CRB1: variants seen among roughly 807,000 people sequenced by gnomAD.
The protein encoded by CRB1 is protein crumbs homolog 1.
A neutral mutation model predicts 120.0 loss-of-function variants in CRB1; 83 were observed. That is an observed-to-expected ratio of 0.69 (90% CI 0.58 to 0.83). CRB1 has a LOEUF of 0.83. CRB1 is among the 40% of genes least tolerant of loss of function. The pLI is 0.00. For synonymous variants in CRB1, 625 were observed against 612.5 expected, an observed-to-expected ratio of 1.02 and a Z score of -0.30; for missense variants, 1,699 against 1,687.6, an observed-to-expected ratio of 1.01 and a Z score of -0.12.
the CRB1 span, among the ~76,000 whole-genome samples, chr1:197,257,079 G>C: frequency 6.6e-6 from 1 of 151,866 alleles, no homozygotes; most frequent in Non-Finnish European, 1.5e-5. Context: ...AAAGATCTGA[G>C]AACCAGGGGA....
the CRB1 span, among the ~76,000 whole-genome samples, chr1:197,261,603 A>T: frequency 6.6e-6 from 1 of 152,226 alleles, no homozygotes; most frequent in Non-Finnish European, 1.5e-5. Flanking sequence ...ACTGTAGCAT[A>T]GAGTGGTATA....
At chr1:197,248,934 A>G in the CRB1 span, among the ~76,000 whole-genome samples, 1 of 151,964 alleles carries the variant, frequency 6.6e-6, no homozygotes, top group East Asian at 1.9e-4. Context: ...TAGATTTCTC[A>G]AAATTAAAAA....
intron 1 of CRB1, among the ~76,000 whole-genome samples, chr1:197,323,379 C>T (rs2125294633): frequency 6.6e-6 from 1 of 152,238 alleles, no homozygotes; most frequent in Middle Eastern, 3.4e-3. Flanking sequence ...ATCGATTCTG[C>T]AAAACATGGC....
At chr1:197,348,529 T>C (rs560978229) in intron 4 of CRB1, among the ~76,000 whole-genome samples, 4 of 152,358 alleles carry the variant, frequency 2.6e-5, no homozygotes, top group African/African-American at 9.6e-5. Context: ...CAGGCTGGAA[T>C]GCAGTGGTGT....
the CRB1 span, among the ~76,000 whole-genome samples, chr1:197,224,886 A>G: frequency 6.6e-6 from 1 of 152,112 alleles, no homozygotes; most frequent in African/African-American, 2.4e-5. Context: ...AAACTAACAT[A>G]CATTTAACAA....
chr1:197,443,564 G>A (rs1665561771), intron 11 of CRB1: 1 of 151,610 alleles, frequency 6.6e-6, no homozygotes, highest in Non-Finnish European at 1.5e-5. Flanking sequence ...AGTATATATT[G>A]TAAAACTTGA....
At chr1:197,323,354 TA>T (rs1658312513) in intron 1 of CRB1, among the ~76,000 whole-genome samples, 1 of 152,216 alleles carries the variant, frequency 6.6e-6, no homozygotes, top group Admixed American at 6.5e-5. Context: ...ACATTGAAAT[TA>T]TATCTGTTCG....
chr1:197,435,963 G>C (rs970090475), intron 9 of CRB1, among the ~76,000 whole-genome samples: 1 of 152,128 alleles, frequency 6.6e-6, no homozygotes, highest in African/African-American at 2.4e-5. Flanking sequence ...TATTGTTAGG[G>C]AAGGCATGAC....
chr1:197,240,473 T>C, the CRB1 span, among the ~76,000 whole-genome samples: 1 of 152,144 alleles, frequency 6.6e-6, no homozygotes, highest in Non-Finnish European at 1.5e-5. Context: ...CAGTGTTTGG[T>C]TTTCTGTTCC....
At chr1:197,268,777 G>T (rs1367578588) in intron 1 of CRB1, among the ~76,000 whole-genome samples, 1 of 152,000 alleles carries the variant, frequency 6.6e-6, no homozygotes, top group African/African-American at 2.4e-5. Flanking sequence ...AAGATATTTT[G>T]TTGTGTTTAC....
the CRB1 span, among the ~76,000 whole-genome samples, chr1:197,260,020 G>T: frequency 6.6e-6 from 1 of 151,898 alleles, no homozygotes; most frequent in Non-Finnish European, 1.5e-5. Flanking sequence ...GCACACGATG[G>T]AGCCTGGCTG....
At chr1:197,364,123 G>GGTTTC in intron 5 of CRB1, 1 of 851,846 alleles carries the variant, frequency 1.2e-6, no homozygotes, top group Non-Finnish European at 1.8e-6. Context: ...TTGTGGATGG[G>GGTTTC]ACACCCAGTA....
intron 6 of CRB1, among the ~76,000 whole-genome samples, chr1:197,427,075 C>A (rs1398763895): frequency 6.6e-6 from 1 of 152,176 alleles, no homozygotes; most frequent in African/African-American, 2.4e-5. Context: ...CCAAAAATTT[C>A]TTCCACCAGG....
intron 1 of CRB1, among the ~76,000 whole-genome samples, chr1:197,276,375 A>G (rs1454508493): frequency 6.6e-6 from 1 of 151,812 alleles, no homozygotes; most frequent in East Asian, 1.9e-4. Flanking sequence ...TATTTATTCC[A>G]TAATTTTTTT....
chr1:197,358,923 T>C (rs1660628945), intron 5 of CRB1, among the ~76,000 whole-genome samples: 1 of 152,208 alleles, frequency 6.6e-6, no homozygotes, highest in African/African-American at 2.4e-5. Flanking sequence ...ACACAATAGC[T>C]AGAACTGGTA....
At chr1:197,464,815 CA>C (rs1452464617) in intron 11 of CRB1, among the ~76,000 whole-genome samples, 2 of 152,084 alleles carry the variant, frequency 1.3e-5, no homozygotes, top group African/African-American at 4.8e-5. Context: ...GCACATTAGC[CA>C]GGTTATCTCA....
intron 1 of CRB1, among the ~76,000 whole-genome samples, chr1:197,311,058 T>A (rs949408464): frequency 6.6e-6 from 1 of 152,262 alleles, no homozygotes; most frequent in Non-Finnish European, 1.5e-5. Context: ...TAAATTTTAA[T>A]GGTTTTATAC....
chr1:197,298,754 A>T (rs1418337407), intron 1 of CRB1, among the ~76,000 whole-genome samples: 3 of 152,126 alleles, frequency 2.0e-5, no homozygotes, highest in Non-Finnish European at 2.9e-5. Context: ...TACATAAGAG[A>T]AATGGTATTG....
In CRB1 at chr1:197,477,762, C is replaced by A; in HGVS notation, c.4104C>A (p.Val1368=). 1 of 1,613,866 alleles carries A rather than the reference C, an allele frequency of 6.2e-7. No individual in the cohort carries two copies. The change falls in exon 12 of 12, where the codon GTC becomes GTA. Residue 1368 remains valine (V), a synonymous_variant. Coordinates refer to ENST00000367400, the MANE Select transcript of CRB1 (RefSeq NM_201253.3). The part of the protein sequence containing the change: ...ILLLAIVASV[V]TSNKRATQGT... ...TGCTGGCCATTGTTGCTTCTGTTGT[C>A]ACCTCCAACAAAAGGGCAACTCAGG...
Sources: gnomAD v4.1 joint callset for allele counts (sites outside exome capture counted in the v4.1 genomes callset) on GRCh38, gnomAD v4.1.1 for gene constraint, MANE v1.5 for transcripts, NCBI Gene and HGNC (gene_info 2026-07-23, HGNC 2026-07-21) for gene names.